KCND2: variants seen among roughly 807,000 people sequenced by gnomAD.
KCND2 encodes A-type voltage-gated potassium channel KCND2.
KCND2 carries 16 observed loss-of-function variants against 54.4 expected under a neutral mutation model. The ratio of observed to expected loss-of-function variants is 0.29; its 90% CI spans 0.20 to 0.45. The LOEUF (loss-of-function observed/expected upper bound fraction) is 0.45, where lower values mean the gene tolerates loss of function less well. Among genes scored for constraint, KCND2 ranks in the 20% least tolerant of loss-of-function variants. The pLI is 1.00. For synonymous variants in KCND2, 317 were observed against 310.7 expected (o/e 1.02, Z -0.21); for missense variants, 486 against 824.2 (o/e 0.59, Z 5.02).
chr7:120,280,414 T>C (rs1235251631), intron 1 of KCND2, among the ~76,000 whole-genome samples: 1 of 152,096 alleles, frequency 6.6e-6, no homozygotes. Context: ...AAAGGTTTAA[T>C]ATGTGTTATT....
chr7:120,345,000 A>G (rs1182755464), intron 1 of KCND2, among the ~76,000 whole-genome samples: 2 of 152,214 alleles, frequency 1.3e-5, no homozygotes, highest in Non-Finnish European at 2.9e-5. Flanking sequence ...CAAAGGAAAA[A>G]GTGGTCAGCA....
intron 1 of KCND2, among the ~76,000 whole-genome samples, chr7:120,499,402 A>AT (rs541081224): frequency 1.3e-5 from 2 of 152,136 alleles, no homozygotes; most frequent in Admixed American, 6.5e-5. Context: ...AAAACCACGT[A>AT]TTTTTTTCCT....
chr7:120,631,029 C>G (rs538789267), intron 1 of KCND2, among the ~76,000 whole-genome samples: 2 of 152,262 alleles, frequency 1.3e-5, no homozygotes, highest in East Asian at 3.9e-4. Flanking sequence ...CTAACAACTG[C>G]TTTCAAAACT....
At chr7:120,297,847 A>G (rs528688977) in intron 1 of KCND2, among the ~76,000 whole-genome samples, 2 of 152,220 alleles carry the variant, frequency 1.3e-5, no homozygotes, top group East Asian at 1.9e-4. Flanking sequence ...AATAATATTA[A>G]CTTTGCATTT....
chr7:120,687,345 G>T (rs1439862956), intron 1 of KCND2, among the ~76,000 whole-genome samples: 1 of 152,090 alleles, frequency 6.6e-6, no homozygotes, highest in East Asian at 1.9e-4. Flanking sequence ...ATGAATTCTA[G>T]AGATCTGCTG....
chr7:120,546,566 A>T (rs1488079431), intron 1 of KCND2, among the ~76,000 whole-genome samples: 3 of 151,946 alleles, frequency 2.0e-5, no homozygotes, highest in African/African-American at 7.2e-5. Context: ...ACTAGAAACC[A>T]TCAAGTTCTT....
In KCND2 at chr7:120,598,170, A is replaced by G. The variant is rs1310584988; in HGVS notation, c.1116-134733A>G. On this transcript the variant is annotated intron_variant, in intron 1 of 5. Coordinates refer to ENST00000331113, the MANE Select transcript of KCND2 (RefSeq NM_012281.3). ...ACTGAACAATTAAGTGGTTTCAATG[A>G]GGAAAAGTCAATTCATTCTTTATGA... Among the ~76,000 whole-genome samples the G allele has an allele frequency of 2.6e-5, 4 of 152,152 alleles. No individual in the cohort carries two copies. In the East Asian group the frequency reaches 7.7e-4, roughly 29 times the overall value.
At chr7:120,694,291 A>G (rs1318494084) in intron 1 of KCND2, among the ~76,000 whole-genome samples, 1 of 152,018 alleles carries the variant, frequency 6.6e-6, no homozygotes, top group East Asian at 1.9e-4. Context: ...TTAGGATACA[A>G]CCCTTTTAAT....
At chr7:120,554,659 C>T (rs1348330259) in intron 1 of KCND2, among the ~76,000 whole-genome samples, 1 of 152,016 alleles carries the variant, frequency 6.6e-6, no homozygotes, top group Non-Finnish European at 1.5e-5. Context: ...CCGCCCGCCT[C>T]GGCCTCCCAA....
intron 1 of KCND2, among the ~76,000 whole-genome samples, chr7:120,381,150 G>A (rs944722282): frequency 2.6e-5 from 4 of 152,128 alleles, no homozygotes; most frequent in East Asian, 1.9e-4. Flanking sequence ...AGCTATTTGG[G>A]AGGCTGAGGC....
At chr7:120,692,471 T>A (rs1412572680) in intron 1 of KCND2, among the ~76,000 whole-genome samples, 1 of 152,210 alleles carries the variant, frequency 6.6e-6, no homozygotes, top group East Asian at 1.9e-4. Context: ...AACTACATTA[T>A]GTTGATGTAA....
At chr7:120,425,903 T>C (rs1801699530) in intron 1 of KCND2, among the ~76,000 whole-genome samples, 1 of 152,186 alleles carries the variant, frequency 6.6e-6, no homozygotes. Flanking sequence ...TTCTTCTACT[T>C]TCCTCTTTCT....
chr7:120,399,561 CCACTTAAA>C (rs1472732301), intron 1 of KCND2, among the ~76,000 whole-genome samples: 3 of 151,906 alleles, frequency 2.0e-5, no homozygotes, highest in Admixed American at 6.6e-5. Flanking sequence ...TCCAAAAACT[CCACTTAAA>C]CATTTGGAAA....
At chr7:120,367,261 G>A (rs1800699814) in intron 1 of KCND2, among the ~76,000 whole-genome samples, 1 of 152,036 alleles carries the variant, frequency 6.6e-6, no homozygotes, top group Admixed American at 6.6e-5. Context: ...ATTTTCTGTG[G>A]TTTTAAGAGA....
chr7:120,629,502 A>G lies in KCND2; in HGVS notation c.1116-103401A>G, dbSNP rs147774710. Among the ~76,000 whole-genome samples the G allele has an allele frequency of 6.3e-3, 963 of 152,280 alleles. 11 individuals carry two copies. The highest frequency in any genetic ancestry group is 0.022 in the African/African-American group (934 of 41,560). On this transcript the variant is annotated intron_variant, in intron 1 of 5. Transcript: ENST00000331113. ...CTCCGTCTCGGGGGTGGGGTGGAAA[A>G]AAAAAGAAAGGATGCAAAACAAATG...
At chr7:120,328,333 C>T (rs1206535170) in intron 1 of KCND2, among the ~76,000 whole-genome samples, 1 of 152,106 alleles carries the variant, frequency 6.6e-6, no homozygotes, top group Non-Finnish European at 1.5e-5. Context: ...ATTATCTCAT[C>T]TAGTTTTTAG....
chr7:120,566,640 G>A (rs1792301819), intron 1 of KCND2, among the ~76,000 whole-genome samples: 1 of 152,166 alleles, frequency 6.6e-6, no homozygotes, highest in South Asian at 2.1e-4. Flanking sequence ...GCCCGGTCTT[G>A]TGTCACCTCT....
intron 1 of KCND2, among the ~76,000 whole-genome samples, chr7:120,704,034 C>T (rs2116041858): frequency 6.6e-6 from 1 of 152,292 alleles, no homozygotes; most frequent in Non-Finnish European, 1.5e-5. Flanking sequence ...TGAGCTTTTA[C>T]TATGTGCCAA....
intron 1 of KCND2, among the ~76,000 whole-genome samples, chr7:120,615,467 C>T (rs960351478): frequency 6.6e-6 from 1 of 152,126 alleles, no homozygotes; most frequent in Non-Finnish European, 1.5e-5. Context: ...AATTTTATTA[C>T]TCTTTTAAAG....
Sources: gnomAD v4.1 joint callset for allele counts (sites outside exome capture counted in the v4.1 genomes callset) on GRCh38, gnomAD v4.1.1 for gene constraint, MANE v1.5 for transcripts, NCBI Gene and HGNC (gene_info 2026-07-23, HGNC 2026-07-21) for gene names.